Variants in MFSD11 observed in about 807,000 individuals in gnomAD.
The protein encoded by MFSD11 is major facilitator superfamily domain containing 11, also known as UNC93-like protein MFSD11.
MFSD11 carries 36 observed loss-of-function variants against 53.5 expected under a neutral mutation model. The observed-to-expected ratio is 0.67, with a 90% CI of 0.52 to 0.89. The LOEUF is 0.89. Ranked by LOEUF, MFSD11 falls within the 40% of genes least tolerant of loss-of-function variation. The pLI, the probability that MFSD11 is intolerant of heterozygous loss-of-function variation, is 0.00. For missense variants in MFSD11, 530 were observed against 543.9 expected (o/e 0.97, Z 0.25); for synonymous variants, 186 against 184.9 (o/e 1.01, Z -0.05).
intron 1 of MFSD11, among the ~76,000 whole-genome samples, chr17:76,738,707 A>T (rs1242146197): frequency 6.6e-6 from 1 of 152,170 alleles, no homozygotes; most frequent in Non-Finnish European, 1.5e-5. Context: ...GTCTGTATTA[A>T]GCGCTTCCTT....
downstream of MFSD11, among the ~76,000 whole-genome samples, chr17:76,786,255 C>T (rs1189089939): frequency 6.6e-6 from 1 of 151,140 alleles, no homozygotes; most frequent in Non-Finnish European, 1.5e-5. Context: ...AACGATTCTC[C>T]TGCCTCAGCC....
intron 7 of MFSD11, 51 bp downstream of exon 7, chr17:76,744,517 T>A: frequency 6.5e-7 from 1 of 1,542,566 alleles, no homozygotes; most frequent in South Asian, 1.2e-5. Flanking sequence ...TTTGAGTAGA[T>A]CTAGTCTAGA....
At chr17:76,754,311 G>T in intron 8 of MFSD11, 1 of 490,954 alleles carries the variant, frequency 2.0e-6, no homozygotes, top group African/African-American at 1.9e-5. Context: ...GGTGTGTGAG[G>T]GAAGTGGAAA....
At chr17:76,756,295 G>A (rs1047306105) in intron 8 of MFSD11, among the ~76,000 whole-genome samples, 1 of 149,254 alleles carries the variant, frequency 6.7e-6, no homozygotes, top group Non-Finnish European at 1.5e-5. Context: ...GCTAATTTTT[G>A]CATTTTTTAG....
chr17:76,781,981 C>T (rs997373778), downstream of MFSD11, among the ~76,000 whole-genome samples: 1 of 144,334 alleles, frequency 6.9e-6, no homozygotes, highest in Non-Finnish European at 1.5e-5. Context: ...ACCACCATGC[C>T]TGGATAATTT....
the MFSD11 span, among the ~76,000 whole-genome samples, chr17:76,797,254 T>C: frequency 6.6e-6 from 1 of 151,792 alleles, no homozygotes; most frequent in South Asian, 2.1e-4. Context: ...CTGAGGACTG[T>C]TGGTTTATTT....
chr17:76,802,360 T>C, the MFSD11 span, among the ~76,000 whole-genome samples: 1 of 152,310 alleles, frequency 6.6e-6, no homozygotes, highest in Non-Finnish European at 1.5e-5. Context: ...CCCTCACATA[T>C]GGCTAACAAG....
chr17:76,754,863 A>G (rs567370376), intron 8 of MFSD11, among the ~76,000 whole-genome samples: 33 of 152,252 alleles, frequency 2.2e-4, no homozygotes, highest in Non-Finnish European at 4.4e-4. Context: ...CGAGTATTAT[A>G]TAATACACAC....
At chr17:76,737,330 C>A, upstream of MFSD11, 1 of 875,308 alleles carries the variant, frequency 1.1e-6, no homozygotes. Context: ...TGAGTAACAA[C>A]TGGGCGGGCA....
In MFSD11 at chr17:76,769,743, A is replaced by T; in HGVS notation, c.749-3A>T. On this transcript the variant is annotated splice_polypyrimidine_tract_variant and splice_region_variant and intron_variant, in intron 9 of 12. Transcript: ENST00000685175. The stretch of plus-strand genomic sequence containing the variant: ...GACATCTGTTTTTTTTCTTTAACTA[A>T]AGGTCTGGAATTAACTTTCTTCTCT... 6.3e-7 allele frequency: 1 copy of T among 1,582,642 alleles called. No individual in the cohort carries two copies.
intron 10 of MFSD11, among the ~76,000 whole-genome samples, chr17:76,772,161 C>A (rs2081422648): frequency 6.6e-6 from 1 of 152,092 alleles, no homozygotes; most frequent in South Asian, 2.1e-4. Flanking sequence ...GTGCTCACGC[C>A]TATAATTCTA....
At chr17:76,743,266 C>T in intron 5 of MFSD11, 132 bp from the exon 6 acceptor site, 2 of 591,050 alleles carry the variant, frequency 3.4e-6, no homozygotes, top group Non-Finnish European at 5.7e-6. Flanking sequence ...TGACCCAGGA[C>T]AGGTAGATAC....
the MFSD11 span, among the ~76,000 whole-genome samples, chr17:76,791,401 A>G: frequency 2.7e-5 from 4 of 147,940 alleles, no homozygotes; most frequent in Admixed American, 2.7e-4. Flanking sequence ...AGCCTGTTTA[A>G]CTTTTTTTTT....
Position 76,738,325 on chromosome 17 carries a change from C to G in MFSD11, c.-28C>G, listed in dbSNP as rs752069727. 12 of 1,531,062 alleles carry G rather than the reference C, an allele frequency of 7.8e-6. No individual in the cohort carries two copies. In the East Asian group the frequency reaches 9.0e-5, roughly 11 times the overall value. 94.8% of individuals were successfully genotyped at this position (1,531,062 alleles called of 1,614,324 possible). A position where few individuals can be genotyped will look rare whatever the true frequency, so the allele number is the denominator to read the frequency against. ...CCCGAGGAGAGCTGACTGCCCTGGG[C>G]TGCTGCCTCCGGCAGAGCTGAGCCA... On this transcript the variant is annotated 5_prime_UTR_variant, in exon 1 of 13. Transcript: ENST00000685175.
chr17:76,786,531 T>C, the MFSD11 span, among the ~76,000 whole-genome samples: 1 of 152,156 alleles, frequency 6.6e-6, no homozygotes, highest in Admixed American at 6.6e-5. Flanking sequence ...AATGCGCAGC[T>C]GGGTCTTAAG....
At chr17:76,753,740 G>A (rs961835809) in intron 7 of MFSD11, among the ~76,000 whole-genome samples, 8 of 151,542 alleles carry the variant, frequency 5.3e-5, no homozygotes, top group African/African-American at 1.9e-4. Context: ...CAGGATAGAA[G>A]GTATTTCTGT....
chr17:76,747,774 T>C (rs2078684042), intron 7 of MFSD11, among the ~76,000 whole-genome samples: 1 of 152,154 alleles, frequency 6.6e-6, no homozygotes, highest in Non-Finnish European at 1.5e-5. Context: ...ATGCCGCCCA[T>C]CCCTGTTTTT....
At chr17:76,786,910 G>A in the MFSD11 span, among the ~76,000 whole-genome samples, 1 of 152,010 alleles carries the variant, frequency 6.6e-6, no homozygotes, top group Non-Finnish European at 1.5e-5. Context: ...CTGCCTCCCA[G>A]GTTCAAGCAA....
intron 8 of MFSD11, among the ~76,000 whole-genome samples, chr17:76,759,979 G>A (rs1022042755): frequency 6.6e-6 from 1 of 151,366 alleles, no homozygotes; most frequent in African/African-American, 2.4e-5. Flanking sequence ...TAAGAAAATC[G>A]TAAGGAGACT....
Sources: gnomAD v4.1 joint callset for allele counts (sites outside exome capture counted in the v4.1 genomes callset) on GRCh38, gnomAD v4.1.1 for gene constraint, MANE v1.5 for transcripts, NCBI Gene and HGNC (gene_info 2026-07-23, HGNC 2026-07-21) for gene names.